Variants in NEB observed in about 807,000 individuals in gnomAD.
The protein encoded by NEB is nemaline myopathy type 2.
NEB carries 512 observed loss-of-function variants against 952.2 expected under a neutral mutation model. The observed-to-expected ratio is 0.54, with a 90% confidence interval of 0.50 to 0.58. NEB has a LOEUF of 0.58. NEB is among the 20% of genes least tolerant of loss of function. The pLI, the probability that NEB is intolerant of heterozygous loss-of-function variation, is 0.00. For synonymous variants in NEB, 2,900 were observed against 3,149.8 expected (o/e 0.92, Z 2.66); for missense variants, 8,428 against 9,231.1 (o/e 0.91, Z 3.56).
At position 151,692,045 on chromosome 2, in the gene NEB, G is replaced by T. The variant is rs2149161572; in HGVS notation, c.2106+14C>A. The T allele has an allele frequency of 1.9e-6, 3 of 1,611,604 alleles. No homozygotes were observed. The highest frequency in any genetic ancestry group is 2.5e-6 in the Non-Finnish European group (3 of 1,177,772). On this transcript the variant is annotated intron_variant, in intron 22 of 181. Transcript: ENST00000397345. Reference sequence around the variant, plus strand: ...ATGTCACTGTGAGGCATGAACCATTGTCTTCAAACTTACATCACTGTTTTG... The same window carrying T: ...ATGTCACTGTGAGGCATGAACCATTTTCTTCAAACTTACATCACTGTTTTG...
intron 10 of NEB, among the ~76,000 whole-genome samples, chr2:151,713,283 G>C (rs965121256): frequency 6.6e-6 from 1 of 152,102 alleles, no homozygotes; most frequent in Non-Finnish European, 1.5e-5. Flanking sequence ...TTCTGTGAGG[G>C]GCTAAGCACT....
chr2:151,609,779 TC>T (rs779946019), intron 81 of NEB, 29 bp downstream of exon 81: 36 of 1,542,184 alleles, frequency 2.3e-5, no homozygotes, highest in Non-Finnish European at 3.1e-5. Flanking sequence ...ATCTTCCCCT[TC>T]CCCCTTTCCC....
At chr2:151,722,271 A>G (rs534654639) in intron 9 of NEB, among the ~76,000 whole-genome samples, 31 of 152,338 alleles carry the variant, frequency 2.0e-4, no homozygotes, top group Non-Finnish European at 3.2e-4. Flanking sequence ...CGCAAATCCA[A>G]TGGTCATGTA....
At chr2:151,537,692 A>C (rs2093409994) in intron 140 of NEB, among the ~76,000 whole-genome samples, 180 bp downstream of exon 140, 1 of 152,240 alleles carries the variant, frequency 6.6e-6, no homozygotes, top group Admixed American at 6.5e-5. Context: ...ATTTGAATAT[A>C]TATTTCCTTC....
intron 6 of NEB, 129 bp downstream of exon 6, chr2:151,725,324 T>A: frequency 1.3e-6 from 1 of 761,488 alleles, no homozygotes; most frequent in African/African-American, 1.7e-5. Context: ...TTCATGCTTT[T>A]CTAGATTTGT....
chr2:151,524,182 C>A, intron 153 of NEB, 129 bp downstream of exon 153: 1 of 756,176 alleles, frequency 1.3e-6, no homozygotes, highest in East Asian at 2.7e-5. Context: ...TTTTATAACT[C>A]TTGGAAGCTT....
rs775343449 is a variant in NEB, at chr2:151,688,284, G to A, written c.2415+8C>T. The A allele has an allele frequency of 1.3e-6, 2 of 1,591,794 alleles. No homozygotes were observed. Among genetic ancestry groups the A allele is most frequent in the East Asian group, 4.5e-5 (2 of 44,706 alleles). ...CCAAACATAGGCTTCTGTGGCTTTGGTACTTACATCACTCAGATTATAGGC... is the reference window on the plus strand; with the variant it reads ...CCAAACATAGGCTTCTGTGGCTTTGATACTTACATCACTCAGATTATAGGC... On this transcript the variant is annotated splice_region_variant and intron_variant, in intron 25 of 181. Transcript: ENST00000397345.
At chr2:151,517,736 A>T (rs1008432066) in intron 156 of NEB, among the ~76,000 whole-genome samples, 5 of 152,202 alleles carry the variant, frequency 3.3e-5, no homozygotes, top group African/African-American at 1.2e-4. Context: ...GTATTTGTGT[A>T]TCTTGATACC....
chr2:151,542,543 C>T (rs563201773), intron 135 of NEB, among the ~76,000 whole-genome samples: 14 of 152,192 alleles, frequency 9.2e-5, no homozygotes, highest in Admixed American at 3.9e-4. Flanking sequence ...CCCAGTTACT[C>T]GGGCCAGAAA....
intron 81 of NEB, 68 bp downstream of exon 81, chr2:151,609,741 G>A: frequency 1.4e-6 from 2 of 1,451,874 alleles, no homozygotes; most frequent in Non-Finnish European, 1.9e-6. Flanking sequence ...GTCCTCAGAG[G>A]CACTGACTGG....
At position 151,547,721 on chromosome 2, in the gene NEB, C is replaced by G. The variant is rs768440476; in HGVS notation, c.20175G>C (p.Leu6725Phe). 4 of 1,612,962 alleles carry G rather than the reference C, an allele frequency of 2.5e-6. No homozygotes were observed. Among genetic ancestry groups the G allele is most frequent in the African/African-American group, 2.7e-5 (2 of 74,874 alleles). Residue 6725 changes from leucine (L) to phenylalanine (F), a missense_variant, in exon 132 of 182, where the codon TTG (leucine) becomes TTC (phenylalanine). Physicochemically the swap from Leu to Phe is conservative, Grantham distance 22. Around this residue, in one of 11 missense-constraint regions of NEB, gnomAD observed 3,374 missense variants for 3,651.5 expected, o/e 0.92. Coordinates refer to ENST00000397345, the MANE Select transcript of NEB (RefSeq NM_001164508.2). Reference protein sequence around the residue: ...NVTSERLYRELYHKLKDKIHT... With the variant: ...NVTSERLYREFYHKLKDKIHT... ...GGATCTTGTCTTTCAGTTTGTGGTACAATTCCCGATACAGTCTCTACGTTG... is the reference window on the plus strand; with the variant it reads ...GGATCTTGTCTTTCAGTTTGTGGTAGAATTCCCGATACAGTCTCTACGTTG...
At chr2:151,556,151 C>T (rs1306515874) in intron 124 of NEB, among the ~76,000 whole-genome samples, 1 of 152,132 alleles carries the variant, frequency 6.6e-6, no homozygotes, top group Non-Finnish European at 1.5e-5. Context: ...GTTACTGTTT[C>T]CTCCAGGTAA....
chr2:151,500,752 C>A (rs1010373557), intron 168 of NEB, among the ~76,000 whole-genome samples: 3 of 152,048 alleles, frequency 2.0e-5, no homozygotes, highest in African/African-American at 7.2e-5. Flanking sequence ...CATGTGCCAC[C>A]ACGCTTGGCT....
At position 151,659,062 on chromosome 2, in the gene NEB, T is replaced by G. The variant is rs986325764; in HGVS notation, c.6075+3A>C. ...AGATGACAACAGGGGGAACTATACT[T>G]ACATCACTCATATTAATTGCATTTG... On this transcript the variant is annotated splice_donor_region_variant and intron_variant, in intron 47 of 181. Coordinates refer to ENST00000397345, the MANE Select transcript of NEB (RefSeq NM_001164508.2). 4.5e-6 allele frequency: 7 copies of G among 1,567,972 alleles called. No individual in the cohort carries two copies. In the African/African-American group the frequency reaches 8.1e-5, roughly 18 times the overall value.
chr2:151,552,835 G>T, intron 127 of NEB, 59 bp from the exon 128 acceptor site: 1 of 1,264,336 alleles, frequency 7.9e-7, no homozygotes, highest in Non-Finnish European at 1.1e-6. Flanking sequence ...GAAACTGCTG[G>T]TTTTCACAGA....
intron 5 of NEB, among the ~76,000 whole-genome samples, 198 bp downstream of exon 5, chr2:151,727,493 C>T (rs1298898646): frequency 6.6e-6 from 1 of 152,144 alleles, no homozygotes; most frequent in African/African-American, 2.4e-5. Context: ...AATAAGAATG[C>T]TTTCTTATGC....
At chr2:151,659,257 T>A in intron 46 of NEB, 88 bp from the exon 47 acceptor site, 1 of 693,202 alleles carries the variant, frequency 1.4e-6, no homozygotes, top group South Asian at 2.4e-5. Context: ...TATATCAATA[T>A]TTCATGTATT....
intron 107 of NEB, among the ~76,000 whole-genome samples, chr2:151,571,101 G>T (rs2096613323): frequency 6.6e-6 from 1 of 152,120 alleles, no homozygotes. Flanking sequence ...TGCCTCCCAG[G>T]CTCAAGCCAT....
intron 135 of NEB, among the ~76,000 whole-genome samples, chr2:151,542,280 G>A (rs2094165338): frequency 6.6e-6 from 1 of 152,032 alleles, no homozygotes; most frequent in South Asian, 2.1e-4. Flanking sequence ...TGAAGGATTG[G>A]CCCCTTTCAC....
Sources: gnomAD v4.1 joint callset for allele counts (sites outside exome capture counted in the v4.1 genomes callset) on GRCh38, gnomAD v4.1.1 for gene constraint, gnomAD v4.1.1 regional missense constraint, MANE v1.5 for transcripts, NCBI Gene and HGNC (gene_info 2026-07-23, HGNC 2026-07-21) for gene names.